Variants in SLC2A9 observed in about 807,000 individuals in gnomAD.
SLC2A9 encodes solute carrier family 2, facilitated glucose transporter member 9.
Under a neutral mutation model 50.6 loss-of-function variants are expected in SLC2A9, and 39 were observed. The observed-to-expected ratio is 0.77, with a 90% CI of 0.60 to 1.01. The LOEUF (loss-of-function observed/expected upper bound fraction) is 1.01. Ranked by LOEUF, SLC2A9 falls within the 50% of genes least tolerant of loss-of-function variation. The pLI, the probability that SLC2A9 is intolerant of heterozygous loss-of-function variation, is 0.00. For missense variants in SLC2A9, 686 were observed against 677.6 expected (o/e 1.01, Z -0.14); for synonymous variants, 324 against 276.9 (o/e 1.17, Z -1.69).
chr4:9,906,227 G>A (rs558321069), intron 8 of SLC2A9, among the ~76,000 whole-genome samples: 3 of 152,218 alleles, frequency 2.0e-5, no homozygotes, highest in African/African-American at 4.8e-5. Flanking sequence ...GGGGTCACGC[G>A]GCTAATAAAA....
At chr4:9,903,745 T>G (rs1430858130) in intron 8 of SLC2A9, among the ~76,000 whole-genome samples, 2 of 150,998 alleles carry the variant, frequency 1.3e-5, no homozygotes, top group Non-Finnish European at 2.9e-5. Flanking sequence ...GACATATATT[T>G]GTGTGTTTAT....
At chr4:9,931,958 C>CAA (rs1746121082) in intron 6 of SLC2A9, among the ~76,000 whole-genome samples, 2 of 34,416 alleles carry the variant, frequency 5.8e-5, no homozygotes, top group Admixed American at 3.3e-4. Context: ...CTCTCTCTCT[C>CAA]TCTCTATATA....
In SLC2A9 at chr4:9,890,105, T is replaced by C. The variant is rs896116485; in HGVS notation, c.1215+505A>G. Among the ~76,000 whole-genome samples the C allele has an allele frequency of 2.7e-4, 41 of 152,268 alleles. 1 individual carries two copies. The highest frequency in any genetic ancestry group is 9.4e-4 in the African/African-American group (39 of 41,564). On this transcript the variant is annotated intron_variant, in intron 9 of 11. Coordinates refer to ENST00000264784, the MANE Select transcript of SLC2A9 (RefSeq NM_020041.3). Reference sequence around the variant, plus strand: ...AGGGACGACTGTTTCATTTTAGAGATGAGGCCCGGAGAGGAGCTGACTTGC... The same window carrying C: ...AGGGACGACTGTTTCATTTTAGAGACGAGGCCCGGAGAGGAGCTGACTTGC...
At chr4:9,981,128 A>G in intron 4 of SLC2A9, among the ~76,000 whole-genome samples, 2 of 72,794 alleles carry the variant, frequency 2.7e-5, no homozygotes, top group South Asian at 1.1e-3. Flanking sequence ...TAGTGATGGT[A>G]ATGATGGCGA....
intron 10 of SLC2A9, among the ~76,000 whole-genome samples, chr4:9,871,833 T>G (rs1309403112): frequency 6.6e-6 from 1 of 152,110 alleles, no homozygotes; most frequent in Non-Finnish European, 1.5e-5. Flanking sequence ...ACTCAGCCCT[T>G]CATGTGCAAA....
chr4:9,962,592 G>A (rs1370665607), intron 5 of SLC2A9, among the ~76,000 whole-genome samples: 3 of 152,142 alleles, frequency 2.0e-5, no homozygotes. Context: ...GGGAGGGACA[G>A]TAAACAACCT....
At chr4:9,861,932 T>C (rs1201839274) in intron 10 of SLC2A9, among the ~76,000 whole-genome samples, 1 of 152,202 alleles carries the variant, frequency 6.6e-6, no homozygotes, top group Admixed American at 6.5e-5. Flanking sequence ...GAAAGTAAAA[T>C]TCCTGATTCC....
At chr4:10,032,322 G>A (rs1763963477) in intron 1 of SLC2A9, among the ~76,000 whole-genome samples, 1 of 152,158 alleles carries the variant, frequency 6.6e-6, no homozygotes, top group Admixed American at 6.5e-5. Context: ...GGCAGAAGGA[G>A]CAGCAAGGGC....
At position 9,989,787 on chromosome 4, in the gene SLC2A9, C is replaced by T. The variant is rs1006287780; in HGVS notation, c.411-3994G>A. On this transcript the variant is annotated intron_variant, in intron 3 of 11. Coordinates refer to ENST00000264784, the MANE Select transcript of SLC2A9 (RefSeq NM_020041.3). ...TGACTCCAAATATCCCATCTAGCTT[C>T]CTATGATTATCTCTACACTGACCTC... Among the ~76,000 whole-genome samples the T allele has an allele frequency of 1.1e-4, 16 of 152,172 alleles. No homozygotes were observed. The East Asian group carries it at 3.1e-3, about 30-fold the overall frequency.
intron 1 of SLC2A9, among the ~76,000 whole-genome samples, chr4:9,773,895 G>A (rs1380697967): frequency 6.6e-6 from 1 of 152,128 alleles, no homozygotes. Flanking sequence ...ACTGAAGGCT[G>A]TGGAGACCTA....
intron 3 of SLC2A9, among the ~76,000 whole-genome samples, chr4:9,992,350 A>G (rs1175129496): frequency 2.6e-5 from 4 of 152,224 alleles, no homozygotes; most frequent in Non-Finnish European, 5.9e-5. Flanking sequence ...CACTATTCAC[A>G]TTTGGAACTG....
At chr4:9,968,183 T>C (rs1753341933) in intron 5 of SLC2A9, among the ~76,000 whole-genome samples, 1 of 152,190 alleles carries the variant, frequency 6.6e-6, no homozygotes, top group African/African-American at 2.4e-5. Context: ...AACTAGTTTT[T>C]AGTTTAAAAT....
chr4:9,828,783 C>T (rs1400837703), intron 11 of SLC2A9, among the ~76,000 whole-genome samples: 1 of 152,214 alleles, frequency 6.6e-6, no homozygotes. Flanking sequence ...AAACACTCAT[C>T]ACTATGCAGC....
intron 7 of SLC2A9, among the ~76,000 whole-genome samples, chr4:9,918,316 G>A (rs909157700): frequency 1.1e-4 from 16 of 152,346 alleles, no homozygotes; most frequent in African/African-American, 2.9e-4. Context: ...TCTTTGTCCC[G>A]TGAATTTGGA....
intron 3 of SLC2A9, among the ~76,000 whole-genome samples, chr4:9,989,506 C>T (rs999708304): frequency 2.6e-4 from 39 of 152,012 alleles, no homozygotes; most frequent in African/African-American, 9.2e-4. Context: ...GAGACCCTTC[C>T]CACATGCCCT....
At chr4:9,935,263 C>T (rs1746856798) in intron 6 of SLC2A9, among the ~76,000 whole-genome samples, 2 of 152,216 alleles carry the variant, frequency 1.3e-5, no homozygotes, top group Non-Finnish European at 2.9e-5. Context: ...AACTAATTTA[C>T]ATTCCCACCA....
At chr4:9,866,334 A>C (rs1239963410) in intron 10 of SLC2A9, among the ~76,000 whole-genome samples, 1 of 152,098 alleles carries the variant, frequency 6.6e-6, no homozygotes, top group Non-Finnish European at 1.5e-5. Context: ...TAATCCACAC[A>C]ACAGCCCATG....
chr4:9,851,802 C>A (rs2109318624), intron 10 of SLC2A9, among the ~76,000 whole-genome samples: 1 of 152,144 alleles, frequency 6.6e-6, no homozygotes, highest in East Asian at 1.9e-4. Flanking sequence ...AGCAGAATAG[C>A]CTAGGATGAA....
intron 6 of SLC2A9, among the ~76,000 whole-genome samples, chr4:9,934,807 C>T (rs1312595499): frequency 2.0e-5 from 3 of 152,136 alleles, no homozygotes; most frequent in Non-Finnish European, 4.4e-5. Context: ...GCTCTCCCTC[C>T]CCTCAGCCCC....
Sources: gnomAD v4.1 joint callset for allele counts (sites outside exome capture counted in the v4.1 genomes callset) on GRCh38, gnomAD v4.1.1 for gene constraint, MANE v1.5 for transcripts, NCBI Gene and HGNC (gene_info 2026-07-23, HGNC 2026-07-21) for gene names.